The following MAGI2 variants were observed in gnomAD, a reference collection of about 807,000 sequenced individuals.
MAGI2 encodes membrane-associated guanylate kinase, WW and PDZ domain-containing protein 2.
A neutral mutation model predicts 133.3 loss-of-function variants in MAGI2; 35 were observed. The ratio of observed to expected loss-of-function variants is 0.26; its 90% CI spans 0.20 to 0.35. MAGI2 has a LOEUF of 0.35. Among genes scored for constraint, MAGI2 ranks in the 10% least tolerant of loss-of-function variants. The pLI is 1.00. For synonymous variants in MAGI2, 729 were observed against 710.6 expected, an observed-to-expected ratio of 1.03 and a Z score of -0.41; for missense variants, 1,636 against 1,863.4, an observed-to-expected ratio of 0.88 and a Z score of 2.25.
intron 1 of MAGI2, among the ~76,000 whole-genome samples, chr7:79,120,391 G>T (rs765517895): frequency 1.1e-4 from 16 of 151,976 alleles, no homozygotes; most frequent in Non-Finnish European, 2.4e-4. Flanking sequence ...AAGTACTGAA[G>T]TTACTATAAG....
intron 11 of MAGI2, among the ~76,000 whole-genome samples, chr7:78,195,346 C>A (rs539239038): frequency 6.6e-6 from 1 of 152,288 alleles, no homozygotes; most frequent in East Asian, 1.9e-4. Flanking sequence ...CACTTAATTT[C>A]TCTGTTTTTT....
intron 1 of MAGI2, among the ~76,000 whole-genome samples, chr7:79,393,163 G>A (rs1341871869): frequency 6.6e-6 from 1 of 152,110 alleles, no homozygotes; most frequent in Non-Finnish European, 1.5e-5. Context: ...TTCATTAAAT[G>A]GCTGCAAAGG....
At chr7:79,446,766 C>T (rs1199794165) in intron 1 of MAGI2, among the ~76,000 whole-genome samples, 15 of 152,026 alleles carry the variant, frequency 9.9e-5, no homozygotes, top group Admixed American at 8.5e-4. Flanking sequence ...CTGGCTAACA[C>T]GGTGAAACCC....
intron 1 of MAGI2, among the ~76,000 whole-genome samples, chr7:79,071,879 A>G (rs1362859066): frequency 1.3e-5 from 2 of 152,012 alleles, no homozygotes; most frequent in African/African-American, 4.8e-5. Flanking sequence ...AAGCCTGTGG[A>G]TCTTAGCTTA....
intron 1 of MAGI2, among the ~76,000 whole-genome samples, chr7:79,104,502 A>T (rs1212203372): frequency 6.6e-6 from 1 of 152,086 alleles, no homozygotes; most frequent in African/African-American, 2.4e-5. Context: ...CCCCATCTCT[A>T]CTAAAAATAC....
chr7:78,360,793 C>T (rs571065537), intron 7 of MAGI2, among the ~76,000 whole-genome samples: 28 of 152,270 alleles, frequency 1.8e-4, no homozygotes, highest in East Asian at 5.8e-4. Flanking sequence ...TCAACAATTC[C>T]CCAAGTTCAG....
At chr7:78,873,392 C>G (rs1361583674) in intron 2 of MAGI2, among the ~76,000 whole-genome samples, 1 of 152,082 alleles carries the variant, frequency 6.6e-6, no homozygotes. Flanking sequence ...TCCCTGACCT[C>G]CATCTCCTGT....
intron 1 of MAGI2, among the ~76,000 whole-genome samples, chr7:79,081,487 A>C (rs1349418993): frequency 6.6e-6 from 1 of 152,194 alleles, no homozygotes; most frequent in African/African-American, 2.4e-5. Context: ...TATGCATTGC[A>C]CATGGAAATT....
intron 2 of MAGI2, among the ~76,000 whole-genome samples, chr7:78,852,679 A>G (rs912101417): frequency 6.6e-6 from 1 of 152,270 alleles, no homozygotes; most frequent in Non-Finnish European, 1.5e-5. Context: ...TGACACTTAC[A>G]TATATGCATG....
intron 1 of MAGI2, among the ~76,000 whole-genome samples, chr7:79,157,184 A>C (rs2129547398): frequency 6.6e-6 from 1 of 152,216 alleles, no homozygotes; most frequent in African/African-American, 2.4e-5. Flanking sequence ...TCATATGTAA[A>C]TAAGAGACTA....
rs1036983495 is a variant in MAGI2 at position 78,251,760 on chromosome 7, T to C, written c.2047+4183A>G. 6.6e-5 allele frequency: 10 copies of C among 152,168 alleles called. 1 individual carries two copies. Among genetic ancestry groups the C allele is most frequent in the Non-Finnish European group, 4.4e-5 (3 of 68,024 alleles). 9.4% of individuals were successfully genotyped at this position (152,168 alleles called of 1,614,324 possible). A position where few individuals can be genotyped will look rare whatever the true frequency, so the allele number is the denominator to read the frequency against. On this transcript the variant is annotated intron_variant, in intron 10 of 21. Transcript: ENST00000354212. ...ATACTATCTTTATGAATTAAAAGGT[T>C]CAATGTTGGCAATTTTCCACAAATA...
chr7:78,336,243 G>A (rs971403719), intron 9 of MAGI2, among the ~76,000 whole-genome samples: 1 of 152,104 alleles, frequency 6.6e-6, no homozygotes, highest in Non-Finnish European at 1.5e-5. Flanking sequence ...GTTGAACACT[G>A]CTTCTAGAAA....
intron 2 of MAGI2, among the ~76,000 whole-genome samples, chr7:78,905,389 T>G (rs1461964508): frequency 6.6e-6 from 1 of 152,224 alleles, no homozygotes; most frequent in Non-Finnish European, 1.5e-5. Context: ...CTTCAAAGTC[T>G]GCTTACACCA....
At chr7:78,243,261 ACACACACACTCTCTCTCTCT>A (rs1299914845) in intron 10 of MAGI2, among the ~76,000 whole-genome samples, 2 of 43,524 alleles carry the variant, frequency 4.6e-5, no homozygotes, top group African/African-American at 1.2e-4. Flanking sequence ...ACACACACAC[ACACACACACTCTCTCTCTCT>A]CTCTCTTATA....
intron 1 of MAGI2, among the ~76,000 whole-genome samples, chr7:79,330,765 A>G (rs1338085319): frequency 1.3e-5 from 2 of 152,134 alleles, no homozygotes; most frequent in East Asian, 3.9e-4. Context: ...TATACATAAT[A>G]TATAATAACA....
intron 6 of MAGI2, among the ~76,000 whole-genome samples, chr7:78,453,648 G>A (rs935068091): frequency 8.5e-5 from 13 of 152,138 alleles, no homozygotes; most frequent in South Asian, 2.1e-4. Flanking sequence ...CCCATTGGGT[G>A]GCCAGTGCAA....
intron 9 of MAGI2, among the ~76,000 whole-genome samples, chr7:78,285,052 G>A (rs1054554865): frequency 2.0e-5 from 3 of 152,062 alleles, no homozygotes; most frequent in Non-Finnish European, 2.9e-5. Context: ...TTTAACAGCC[G>A]GTGAGTAACT....
chr7:79,145,488 T>C (rs987082381), intron 1 of MAGI2, among the ~76,000 whole-genome samples: 4 of 152,066 alleles, frequency 2.6e-5, no homozygotes, highest in Admixed American at 2.6e-4. Flanking sequence ...AATGTGTTTT[T>C]GAGCAAGCAT....
At chr7:78,421,119 C>T (rs552747848) in intron 6 of MAGI2, among the ~76,000 whole-genome samples, 1 of 152,134 alleles carries the variant, frequency 6.6e-6, no homozygotes, top group Admixed American at 6.6e-5. Context: ...AAACAATCAC[C>T]TTGTCAGAGT....
Sources: allele counts gnomAD v4.1 joint callset (sites outside exome capture counted in the v4.1 genomes callset), GRCh38; gene constraint gnomAD v4.1.1; transcripts MANE v1.5; gene names NCBI Gene and HGNC (gene_info 2026-07-23, HGNC 2026-07-21).